Variants in CLYBL observed in about 807,000 individuals in gnomAD.
CLYBL encodes citramalyl-CoA lyase, mitochondrial.
CLYBL carries 31 observed loss-of-function variants against 38.9 expected under a neutral mutation model. That is an observed-to-expected ratio of 0.80 (90% CI 0.60 to 1.08). CLYBL has a LOEUF of 1.08. CLYBL is among the 50% of genes least tolerant of loss of function. The pLI, the probability that CLYBL is intolerant of heterozygous loss-of-function variation, is 0.00. For missense variants in CLYBL, 434 were observed against 411.6 expected, an observed-to-expected ratio of 1.05 and a Z score of -0.47; for synonymous variants, 171 against 158.6, an observed-to-expected ratio of 1.08 and a Z score of -0.59.
At position 99,610,367 on chromosome 13, in the gene CLYBL, A is replaced by AT. The variant is rs770280532; in HGVS notation, c.62+3617dup. On this transcript the variant is annotated intron_variant, in intron 1 of 8. Coordinates refer to ENST00000339105, the MANE Select transcript of CLYBL (RefSeq NM_206808.5). ...TTTCTTTTCGTTGCATGTCTTGTAT[A>AT]TTTTTTTGAAAACTGGACATTTTAA... Among the ~76,000 whole-genome samples, 130 of 152,032 alleles carry AT rather than the reference A, an allele frequency of 8.6e-4. 1 individual carries two copies. Among genetic ancestry groups the AT allele is most frequent in the Non-Finnish European group, 1.5e-3 (101 of 68,008 alleles).
chr13:99,777,790 C>T (rs1307920342), intron 2 of CLYBL, among the ~76,000 whole-genome samples: 1 of 152,168 alleles, frequency 6.6e-6, no homozygotes, highest in African/African-American at 2.4e-5. Flanking sequence ...TGAGAATTTT[C>T]TGTTACAAGT....
At chr13:99,710,448 C>T (rs2048212964) in intron 1 of CLYBL, among the ~76,000 whole-genome samples, 1 of 152,158 alleles carries the variant, frequency 6.6e-6, no homozygotes, top group Non-Finnish European at 1.5e-5. Context: ...ATTATTTATA[C>T]TGCACAGCAT....
At chr13:99,745,466 A>C (rs1485749512) in intron 1 of CLYBL, among the ~76,000 whole-genome samples, 1 of 152,206 alleles carries the variant, frequency 6.6e-6, no homozygotes, top group Non-Finnish European at 1.5e-5. Flanking sequence ...ATTAAGAAAA[A>C]AAAATATTAA....
chr13:99,703,311 T>C (rs2048097241), intron 1 of CLYBL, among the ~76,000 whole-genome samples: 1 of 152,204 alleles, frequency 6.6e-6, no homozygotes, highest in African/African-American at 2.4e-5. Context: ...AGGTTTTTGT[T>C]TTCTTCCCAC....
At chr13:99,774,986 G>C (rs1412314411) in intron 2 of CLYBL, among the ~76,000 whole-genome samples, 1 of 152,112 alleles carries the variant, frequency 6.6e-6, no homozygotes, top group African/African-American at 2.4e-5. Context: ...CTGTACTGTA[G>C]GGATGACAAT....
Position 99,889,924 on chromosome 13 carries a change from G to C in CLYBL, c.928-1394G>C, listed in dbSNP as rs1282573839. 3.3e-5 allele frequency among the ~76,000 whole-genome samples: 5 copies of C among 152,128 alleles called. No homozygotes were observed. The East Asian group carries it at 9.6e-4, about 29-fold the overall frequency. On this transcript the variant is annotated intron_variant, in intron 7 of 8. Transcript: ENST00000339105. ...AATGGACCATCATCAATGTGCATTA[G>C]GATTGCCCCAGCCACCCCCAGATCT...
At chr13:99,771,395 G>T (rs536739766) in intron 1 of CLYBL, among the ~76,000 whole-genome samples, 1 of 152,256 alleles carries the variant, frequency 6.6e-6, no homozygotes, top group East Asian at 1.9e-4. Context: ...TCTCTTATGG[G>T]CAGGGTTGGC....
In CLYBL at chr13:99,745,056, T is replaced by C. The variant is rs1034538815; in HGVS notation, c.63-27768T>C. Among the ~76,000 whole-genome samples, 6 of 152,354 alleles carry C rather than the reference T, an allele frequency of 3.9e-5. No individual in the cohort carries two copies. In the East Asian group the frequency reaches 1.2e-3, roughly 29 times the overall value. ...TATCCCTTAGCATGTCATTAGCACATTCCAAGGGAAGACAAATATCAGCGT... is the reference window on the plus strand; with the variant it reads ...TATCCCTTAGCATGTCATTAGCACACTCCAAGGGAAGACAAATATCAGCGT... On this transcript the variant is annotated intron_variant, in intron 1 of 8. Coordinates refer to ENST00000339105, the MANE Select transcript of CLYBL (RefSeq NM_206808.5).
chr13:99,761,049 C>T (rs116275748), intron 1 of CLYBL, among the ~76,000 whole-genome samples: 5 of 152,108 alleles, frequency 3.3e-5, no homozygotes, highest in African/African-American at 7.2e-5. Context: ...CTCTGGTAAC[C>T]GTTAATATTT....
intron 1 of CLYBL, among the ~76,000 whole-genome samples, chr13:99,702,963 G>A (rs539986048): frequency 6.6e-6 from 1 of 152,330 alleles, no homozygotes; most frequent in South Asian, 2.1e-4. Flanking sequence ...TGAACTCTTT[G>A]GTACCTTTCG....
rs546998940 is a variant in CLYBL, at chr13:99,771,020, CTTTTTTTTTTTTTTT to C, written c.63-1787_63-1773del. Among the ~76,000 whole-genome samples the C allele has an allele frequency of 4.1e-3, 497 of 120,234 alleles. 5 individuals carry two copies. The highest frequency in any genetic ancestry group is 6.0e-3 in the Non-Finnish European group (372 of 62,326). The allele number at this position is 120,234 out of a possible 152,430, so 78.9% of individuals were successfully genotyped here. On this transcript the variant is annotated intron_variant, in intron 1 of 8. Transcript: ENST00000339105. ...CAGGCGTAAGCCACCACGCGGGGCCCTTTTTTTTTTTTTTTTTTTTTTTTTTTTTTTGAGGCAAGG... is the reference window on the plus strand; with the variant it reads ...CAGGCGTAAGCCACCACGCGGGGCCCTTTTTTTTTTTTTTTTGAGGCAAGG...
intron 1 of CLYBL, among the ~76,000 whole-genome samples, chr13:99,676,037 G>C (rs1433669696): frequency 6.6e-6 from 1 of 152,068 alleles, no homozygotes; most frequent in Non-Finnish European, 1.5e-5. Context: ...TGTATTTTTA[G>C]TAGAGATAGA....
chr13:99,781,615 A>G (rs2138839880), intron 2 of CLYBL, among the ~76,000 whole-genome samples: 1 of 152,232 alleles, frequency 6.6e-6, no homozygotes, highest in African/African-American at 2.4e-5. Flanking sequence ...AGCTGGGATT[A>G]CAAGTGCCTG....
intron 1 of CLYBL, among the ~76,000 whole-genome samples, chr13:99,613,022 GATGATAATAATAATAATAATAATAATA>G (rs2046652500): frequency 7.3e-6 from 1 of 136,858 alleles, no homozygotes; most frequent in African/African-American, 2.8e-5. Context: ...TAAAAATAGT[GATGATAATAATAATAATAATAATAATA>G]ATAATAATAA....
intron 2 of CLYBL, among the ~76,000 whole-genome samples, chr13:99,842,302 T>C (rs1713704092): frequency 6.6e-6 from 1 of 152,144 alleles, no homozygotes; most frequent in South Asian, 2.1e-4. Context: ...CCTTTAGGGA[T>C]AGAGAGGGCA....
chr13:99,655,080 C>CTT (rs561111559), intron 1 of CLYBL, among the ~76,000 whole-genome samples: 3 of 142,820 alleles, frequency 2.1e-5, no homozygotes, highest in African/African-American at 5.1e-5. Context: ...GCATTTCTTT[C>CTT]TTTTTTTTTT....
rs74898594 is a variant in CLYBL at position 99,867,096 on chromosome 13, G to A, written c.802+689G>A. On this transcript the variant is annotated intron_variant, in intron 6 of 8. Coordinates refer to ENST00000339105, the MANE Select transcript of CLYBL (RefSeq NM_206808.5). ...TTTTTACAACAGAGATCTATTTTTC[G>A]AAAAACCACAATAGGAGTCTACACA... 1.7e-3 allele frequency among the ~76,000 whole-genome samples: 257 copies of A among 152,052 alleles called. 4 individuals carry two copies. The highest frequency in any genetic ancestry group is 7.0e-3 in the East Asian group (36 of 5,172).
chr13:99,816,040 G>T (rs887466713), intron 2 of CLYBL, among the ~76,000 whole-genome samples: 1 of 151,986 alleles, frequency 6.6e-6, no homozygotes, highest in Non-Finnish European at 1.5e-5. Flanking sequence ...AATTATATTC[G>T]CAATGACTAA....
chr13:99,789,164 A>AT (rs2049863360), intron 2 of CLYBL, among the ~76,000 whole-genome samples: 1 of 152,002 alleles, frequency 6.6e-6, no homozygotes. Context: ...GGATTCATTG[A>AT]TTTTTTGAAG....
Sources: gnomAD v4.1 joint callset for allele counts (sites outside exome capture counted in the v4.1 genomes callset) on GRCh38, gnomAD v4.1.1 for gene constraint, MANE v1.5 for transcripts, NCBI Gene and HGNC (gene_info 2026-07-23, HGNC 2026-07-21) for gene names.